Variants in VRK2 observed in about 807,000 individuals in gnomAD.
VRK2 encodes serine/threonine-protein kinase VRK2.
In VRK2, 60 loss-of-function variants were observed where a neutral mutation model predicts 57.6. The ratio of observed to expected loss-of-function variants is 1.04; its 90% CI spans 0.85 to 1.29. The LOEUF (loss-of-function observed/expected upper bound fraction) is 1.29. Among genes scored for constraint, VRK2 ranks in the 50% most tolerant of loss-of-function variants. The pLI, the probability that VRK2 is intolerant of heterozygous loss-of-function variation, is 0.00. For synonymous variants in VRK2, 231 were observed against 199.2 expected (o/e 1.16, Z -1.35); for missense variants, 705 against 588.1 (o/e 1.20, Z -2.06).
chr2:57,977,854 T>C (rs985112972), intron 1 of VRK2, among the ~76,000 whole-genome samples: 3 of 151,202 alleles, frequency 2.0e-5, no homozygotes, highest in African/African-American at 4.9e-5. Flanking sequence ...GGCTGTAGGT[T>C]TGTCAGAGAT....
At chr2:58,140,818 A>G (rs964053978) in intron 11 of VRK2, among the ~76,000 whole-genome samples, 1 of 152,034 alleles carries the variant, frequency 6.6e-6, no homozygotes, top group Non-Finnish European at 1.5e-5. Context: ...AATTAGTAGG[A>G]AAAGAAGTAT....
chr2:57,912,005 A>T (rs1035681602), intron 1 of VRK2, among the ~76,000 whole-genome samples: 4 of 152,210 alleles, frequency 2.6e-5, no homozygotes, highest in African/African-American at 9.6e-5. Context: ...ATAGGAGCAC[A>T]TTAAAACACA....
chr2:58,077,684 C>T (rs1294676194), intron 2 of VRK2, among the ~76,000 whole-genome samples: 3 of 151,922 alleles, frequency 2.0e-5, no homozygotes, highest in Non-Finnish European at 2.9e-5. Flanking sequence ...CCTTCCATAC[C>T]CTCTCTGGCA....
chr2:58,007,380 G>A (rs906302768), intron 1 of VRK2, among the ~76,000 whole-genome samples: 18 of 151,826 alleles, frequency 1.2e-4, no homozygotes, highest in African/African-American at 4.1e-4. Flanking sequence ...AAGCTGCATA[G>A]GTCCACTTAA....
chr2:57,965,229 G>A (rs568674248), intron 1 of VRK2, among the ~76,000 whole-genome samples: 5 of 152,240 alleles, frequency 3.3e-5, no homozygotes, highest in East Asian at 3.9e-4. Flanking sequence ...TTAAAAAGCC[G>A]GAAGACCTCC....
intron 10 of VRK2, 59 bp downstream of exon 10, chr2:58,135,258 T>A: frequency 6.3e-7 from 1 of 1,597,136 alleles, no homozygotes; most frequent in East Asian, 2.2e-5. Flanking sequence ...ACATTTGTCG[T>A]TATCGTTTGG....
At chr2:57,960,077 C>T (rs922220603) in intron 1 of VRK2, among the ~76,000 whole-genome samples, 1 of 22,042 alleles carries the variant, frequency 4.5e-5, no homozygotes, top group Non-Finnish European at 8.3e-5. Context: ...AGGTGTGTGA[C>T]GGGGGCTGGG....
At chr2:58,155,574 C>T (rs1683679507) in intron 12 of VRK2, among the ~76,000 whole-genome samples, 1 of 152,084 alleles carries the variant, frequency 6.6e-6, no homozygotes, top group Non-Finnish European at 1.5e-5. Flanking sequence ...ATTTCCCTAA[C>T]ACCCAGTGGG....
chr2:58,009,955 T>C (rs375386805), intron 1 of VRK2, among the ~76,000 whole-genome samples: 1 of 152,080 alleles, frequency 6.6e-6, no homozygotes, highest in South Asian at 2.1e-4. Context: ...ATACTTAATG[T>C]CCACTAGGAC....
At position 57,999,509 on chromosome 2, in the gene VRK2, G is replaced by C. The variant is rs994386673; in HGVS notation, c.-438-26156G>C. ...TGTTTGTAGACTTAAGTCTACAACA[G>C]CCTAATAAAAGCAAAGATAATTCAC... On this transcript the variant is annotated intron_variant, in intron 1 of 15. Transcript: ENST00000417641. Among the ~76,000 whole-genome samples, 3 of 152,058 alleles carry C rather than the reference G, an allele frequency of 2.0e-5. No homozygotes were observed. The East Asian group carries it at 5.8e-4, about 29-fold the overall frequency.
chr2:58,119,192 C>T lies in VRK2; in HGVS notation c.544-3909C>T, dbSNP rs374400286. On this transcript the variant is annotated intron_variant, in intron 7 of 12. Transcript: ENST00000340157. ...TCTGAGGCTTATTTCTGAGGCCTTT[C>T]AGTTTCCTTTAATTTAAAGTTCTGG... is the stretch of plus-strand genomic sequence containing the variant. 3.9e-5 allele frequency among the ~76,000 whole-genome samples: 6 copies of T among 152,090 alleles called. No individual in the cohort carries two copies. In the East Asian group the frequency reaches 9.7e-4, roughly 25 times the overall value.
chr2:58,028,131 C>T (rs1673991217), intron 2 of VRK2, among the ~76,000 whole-genome samples: 1 of 152,096 alleles, frequency 6.6e-6, no homozygotes, highest in African/African-American at 2.4e-5. Flanking sequence ...CTGGACTCGC[C>T]AGCTATTTTT....
chr2:57,923,808 A>C (rs1011603084), intron 1 of VRK2, among the ~76,000 whole-genome samples: 2 of 151,834 alleles, frequency 1.3e-5, no homozygotes, highest in Non-Finnish European at 2.9e-5. Context: ...TGCCCATTAC[A>C]ATGTCTAGAG....
chr2:57,943,777 G>T (rs920147536), intron 1 of VRK2, among the ~76,000 whole-genome samples: 1 of 152,136 alleles, frequency 6.6e-6, no homozygotes, highest in African/African-American at 2.4e-5. Context: ...TGCCCTAGAG[G>T]TTAAAGAAAT....
At chr2:58,017,869 T>C (rs1343836042) in intron 1 of VRK2, 1 of 152,234 alleles carries the variant, frequency 6.6e-6, no homozygotes, top group East Asian at 1.9e-4. Context: ...CCAGATCACA[T>C]GAATTTTCTT....
At chr2:58,098,547 C>G (rs763137164) in intron 7 of VRK2, among the ~76,000 whole-genome samples, 4 of 152,058 alleles carry the variant, frequency 2.6e-5, no homozygotes, top group Admixed American at 2.6e-4. Context: ...TTTAGATACA[C>G]AAATGCTATT....
At chr2:58,145,690 A>G (rs1682005623) in intron 11 of VRK2, among the ~76,000 whole-genome samples, 1 of 151,712 alleles carries the variant, frequency 6.6e-6, no homozygotes, top group African/African-American at 2.4e-5. Context: ...TTTATTACAT[A>G]TGTATATATG....
chr2:58,123,080 T>G (rs779336806), intron 7 of VRK2, 21 bp from the exon 8 acceptor site: 20 of 1,588,094 alleles, frequency 1.3e-5, no homozygotes, highest in Non-Finnish European at 1.6e-5. Flanking sequence ...CATTATTCAT[T>G]TGTCTGTGCT....
At chr2:57,994,521 G>A (rs1672866069) in intron 1 of VRK2, among the ~76,000 whole-genome samples, 1 of 152,092 alleles carries the variant, frequency 6.6e-6, no homozygotes, top group South Asian at 2.1e-4. Context: ...ATGAATAACA[G>A]AAGAACAAAA....
Sources: gnomAD v4.1 joint callset for allele counts (sites outside exome capture counted in the v4.1 genomes callset) on GRCh38, gnomAD v4.1.1 for gene constraint, MANE v1.5 for transcripts, NCBI Gene and HGNC (gene_info 2026-07-23, HGNC 2026-07-21) for gene names.